GLCCI1: variants seen among roughly 807,000 people sequenced by gnomAD.
GLCCI1 encodes the protein glucocorticoid induced 1.
Under a neutral mutation model 52.2 loss-of-function variants are expected in GLCCI1, and 24 were observed. That is an observed-to-expected ratio of 0.46 (90% confidence interval 0.33 to 0.65). GLCCI1 has a LOEUF of 0.65. Among genes scored for constraint, GLCCI1 ranks in the 30% least tolerant of loss-of-function variants. The pLI is 0.02. For missense variants in GLCCI1, 704 were observed against 701.5 expected, an observed-to-expected ratio of 1.00 and a Z score of -0.04; for synonymous variants, 310 against 276.5, an observed-to-expected ratio of 1.12 and a Z score of -1.20.
intron 1 of GLCCI1, among the ~76,000 whole-genome samples, chr7:7,977,616 A>G (rs1450782495): frequency 6.6e-6 from 1 of 152,132 alleles, no homozygotes; most frequent in Non-Finnish European, 1.5e-5. Context: ...TCTGCATCTT[A>G]TCTTCTGTGT....
chr7:8,011,701 A>G (rs1250220404), intron 2 of GLCCI1, among the ~76,000 whole-genome samples: 2 of 152,150 alleles, frequency 1.3e-5, no homozygotes, highest in African/African-American at 4.8e-5. Context: ...TCTGTGTTTA[A>G]ATTTTTGATG....
chr7:8,012,432 C>CCTTTTT (rs1781282927), intron 2 of GLCCI1, among the ~76,000 whole-genome samples: 2 of 70,396 alleles, frequency 2.8e-5, no homozygotes, highest in Non-Finnish European at 5.1e-5. Flanking sequence ...CCTTTTTATT[C>CCTTTTT]TTTTTTTTTT....
chr7:8,058,919 C>T (rs906875693), intron 4 of GLCCI1, among the ~76,000 whole-genome samples: 1 of 152,048 alleles, frequency 6.6e-6, no homozygotes, highest in East Asian at 1.9e-4. Flanking sequence ...ATACTATATT[C>T]TTTAATAAAG....
intron 1 of GLCCI1, among the ~76,000 whole-genome samples, chr7:7,971,412 AG>A (rs1232445978): frequency 6.6e-6 from 1 of 152,264 alleles, no homozygotes; most frequent in Non-Finnish European, 1.5e-5. Flanking sequence ...CAGAACGAAC[AG>A]AAAACAGTTA....
chr7:7,994,495 A>G (rs1240567682), intron 1 of GLCCI1, among the ~76,000 whole-genome samples: 1 of 152,210 alleles, frequency 6.6e-6, no homozygotes, highest in African/African-American at 2.4e-5. Flanking sequence ...ATGCTATGTC[A>G]TCCCATGACA....
At chr7:7,985,575 T>C (rs1780707214) in intron 1 of GLCCI1, among the ~76,000 whole-genome samples, 2 of 152,250 alleles carry the variant, frequency 1.3e-5, no homozygotes, top group Admixed American at 1.3e-4. Flanking sequence ...ACTAGACATA[T>C]TCCTGAATGT....
At chr7:8,078,487 C>T (rs549759535) in intron 6 of GLCCI1, 39 of 152,138 alleles carry the variant, frequency 2.6e-4, no homozygotes, top group Non-Finnish European at 3.2e-4. Flanking sequence ...TTATATATTT[C>T]TAGGTGATAT....
intron 3 of GLCCI1, among the ~76,000 whole-genome samples, chr7:8,040,347 A>T (rs1781970915): frequency 6.6e-6 from 1 of 152,018 alleles, no homozygotes; most frequent in African/African-American, 2.4e-5. Flanking sequence ...TTAGCTGGGC[A>T]TGGTGGTGTG....
chr7:8,055,868 C>T (rs111297008), intron 4 of GLCCI1: 4 of 179,726 alleles, frequency 2.2e-5, no homozygotes, highest in African/African-American at 9.5e-5. Context: ...TGCCGGGCGC[C>T]TGTAGTCCCA....
Position 8,004,012 on chromosome 7 carries a change from G to T in GLCCI1, c.562G>T (p.Asp188Tyr). Residue 188 changes from aspartate (D) to tyrosine (Y), a missense_variant, in exon 2 of 8, where the codon GAT becomes TAT. Physicochemically the swap from Asp to Tyr is radical, Grantham distance 160. Around this residue, in one of 3 missense-constraint regions of GLCCI1, gnomAD observed 547 missense variants for 524.8 expected, o/e 1.04. Transcript: ENST00000223145. ...TTACCTCACAGGACAGTGGCCACGG[G>T]ATCCTCATGTTCACTACCCTTCATG... ...GPYLTGQWPR[D>Y]PHVHYPSCMK... is the part of the protein sequence containing the mutation. 1.2e-6 allele frequency: 2 copies of T among 1,613,756 alleles called. No homozygotes were observed. The highest frequency in any genetic ancestry group is 1.7e-6 in the Non-Finnish European group (2 of 1,179,814).
At chr7:7,998,196 T>A (rs1279689850) in intron 1 of GLCCI1, among the ~76,000 whole-genome samples, 1 of 150,278 alleles carries the variant, frequency 6.7e-6, no homozygotes, top group Admixed American at 6.6e-5. Flanking sequence ...TTTTTTGTTG[T>A]TGTTGTTTTT....
chr7:7,988,611 A>G (rs990372988), intron 1 of GLCCI1, among the ~76,000 whole-genome samples: 1 of 152,148 alleles, frequency 6.6e-6, no homozygotes, highest in Non-Finnish European at 1.5e-5. Context: ...ACCAAATGTC[A>G]TTAAGAACCT....
intron 1 of GLCCI1, among the ~76,000 whole-genome samples, chr7:7,976,776 G>A (rs537324666): frequency 3.3e-4 from 50 of 152,070 alleles, no homozygotes; most frequent in African/African-American, 1.1e-3. Flanking sequence ...GCCTGGGCAT[G>A]GTGGGACACT....
chr7:8,063,195 T>C lies in GLCCI1; in HGVS notation c.966+2947T>C, dbSNP rs145709313. On this transcript the variant is annotated intron_variant, in intron 5 of 7. Coordinates refer to ENST00000223145, the MANE Select transcript of GLCCI1 (RefSeq NM_138426.4). ...CTCTGTTGCCCAGGTTGGAGTGCAA[T>C]GGCGTGATCTTGGCTTACTGCAACT... 1.7e-3 allele frequency among the ~76,000 whole-genome samples: 265 copies of C among 152,244 alleles called. 1 individual carries two copies. Among genetic ancestry groups the C allele is most frequent in the Middle Eastern group, 6.8e-3 (2 of 294 alleles).
intron 3 of GLCCI1, among the ~76,000 whole-genome samples, chr7:8,043,637 T>G (rs1210346847): frequency 6.6e-6 from 1 of 152,164 alleles, no homozygotes; most frequent in African/African-American, 2.4e-5. Flanking sequence ...GTCCTAAAAT[T>G]GGATTGTGAT....
intron 5 of GLCCI1, 55 bp from the exon 6 acceptor site, chr7:8,070,866 A>G (rs547239305): frequency 6.2e-6 from 9 of 1,446,652 alleles, no homozygotes; most frequent in African/African-American, 4.2e-5. Flanking sequence ...TGTGCTTTCT[A>G]TGTAGATGAA....
chr7:7,998,177 T>G (rs1452441753), intron 1 of GLCCI1, among the ~76,000 whole-genome samples: 6 of 9,304 alleles, frequency 6.4e-4, no homozygotes, highest in Admixed American at 1.4e-3. Flanking sequence ...GTTTTTTTTG[T>G]TTTTTTTTTT....
At chr7:8,067,552 TGTAAGGCAGGTCTGGTAGTA>T (rs1218109768) in intron 5 of GLCCI1, among the ~76,000 whole-genome samples, 2 of 152,196 alleles carry the variant, frequency 1.3e-5, no homozygotes, top group Non-Finnish European at 2.9e-5. Flanking sequence ...CAGGACCTCT[TGTAAGGCAGGTCTGGTAGTA>T]ATGAATTCTC....
At chr7:7,982,147 T>G (rs1431088660) in intron 1 of GLCCI1, 3 of 366,556 alleles carry the variant, frequency 8.2e-6, no homozygotes, top group Admixed American at 3.5e-5. Flanking sequence ...ACCAGACATC[T>G]TTATGAAAGA....
Sources: allele counts gnomAD v4.1 joint callset (sites outside exome capture counted in the v4.1 genomes callset), GRCh38; gene constraint gnomAD v4.1.1; regional missense constraint gnomAD v4.1.1; transcripts MANE v1.5; gene names NCBI Gene and HGNC (gene_info 2026-07-23, HGNC 2026-07-21).